Variants in BCAS3 observed in about 807,000 individuals in gnomAD.
BCAS3 encodes the protein BCAS3 microtubule associated cell migration factor.
BCAS3 carries 53 observed loss-of-function variants against 116.1 expected under a neutral mutation model. That is an observed-to-expected ratio of 0.46 (90% CI 0.37 to 0.57). BCAS3 has a LOEUF of 0.57. Among genes scored for constraint, BCAS3 ranks in the 20% least tolerant of loss-of-function variants. BCAS3 has a pLI of 0.00. For missense variants in BCAS3, 917 were observed against 1,165.4 expected (o/e 0.79, Z 3.10); for synonymous variants, 391 against 408.2 (o/e 0.96, Z 0.51).
intron 6 of BCAS3, among the ~76,000 whole-genome samples, chr17:60,788,886 T>C (rs2046514745): frequency 6.6e-6 from 1 of 152,126 alleles, no homozygotes; most frequent in Non-Finnish European, 1.5e-5. Flanking sequence ...GTATTGGCAA[T>C]AGAATAAAAC....
chr17:60,680,298 T>C (rs577284431), intron 2 of BCAS3, among the ~76,000 whole-genome samples: 1 of 152,298 alleles, frequency 6.6e-6, no homozygotes, highest in Admixed American at 6.5e-5. Context: ...AACTTTTAAG[T>C]TCAAGGGTAC....
intron 6 of BCAS3, among the ~76,000 whole-genome samples, chr17:60,772,879 A>C (rs1294404630): frequency 6.6e-6 from 1 of 152,168 alleles, no homozygotes; most frequent in African/African-American, 2.4e-5. Flanking sequence ...TCTCAGAAAA[A>C]AAAAGGGGGG....
At chr17:60,927,592 T>A (rs1351346373) in intron 13 of BCAS3, among the ~76,000 whole-genome samples, 1 of 152,186 alleles carries the variant, frequency 6.6e-6, no homozygotes, top group Non-Finnish European at 1.5e-5. Flanking sequence ...GATGAGATTC[T>A]ACTAAAGTTC....
rs1008832924 is a variant in BCAS3 at position 60,911,561 on chromosome 17, G to T, written c.993+859G>T. Among the ~76,000 whole-genome samples the T allele has an allele frequency of 9.9e-5, 15 of 152,150 alleles. No homozygotes were observed. In the East Asian group the frequency reaches 2.9e-3, roughly 29 times the overall value. On this transcript the variant is annotated intron_variant, in intron 12 of 23. Transcript: ENST00000407086. ...GATCTGTCCGCCTTGGCCTCCCAAA[G>T]TGCTGGGATTACAGGCATGAGCCAC...
In BCAS3 at chr17:61,041,011, G is replaced by T; in HGVS notation, c.2029+119G>T. Reference sequence around the variant, plus strand: ...ATAGGCCATGGGCCTTAAAGAATCAGTTTGAGGCAAATAAGATATTTAATA... The same window carrying T: ...ATAGGCCATGGGCCTTAAAGAATCATTTTGAGGCAAATAAGATATTTAATA... On this transcript the variant is annotated intron_variant, in intron 19 of 23. Coordinates refer to ENST00000407086, the MANE Select transcript of BCAS3 (RefSeq NM_017679.5). The surrounding 1 kb of genome is among the most constrained non-coding windows in gnomAD (Gnocchi z 4.7). The T allele has an allele frequency of 1.3e-6, 1 of 756,182 alleles. No homozygotes were observed. The highest frequency in any genetic ancestry group is 2.2e-6 in the Non-Finnish European group (1 of 456,574). The allele number at this position is 756,182 out of a possible 1,614,324, so 46.8% of individuals were successfully genotyped here. A position where few individuals can be genotyped will look rare whatever the true frequency, so the allele number is the denominator to read the frequency against.
rs544854368 is a variant in BCAS3 at position 61,104,660 on chromosome 17, C to T, written c.2425+20096C>T. Among the ~76,000 whole-genome samples, 320 of 152,268 alleles carry T rather than the reference C, an allele frequency of 2.1e-3. 1 individual carries two copies. Among genetic ancestry groups the T allele is most frequent in the African/African-American group, 7.5e-3 (311 of 41,550 alleles). ...ATGTCACCCTGTGAAAGATCCTCTGCGTTACCCCATCAATTCTGCTTCATT... is the reference window on the plus strand; with the variant it reads ...ATGTCACCCTGTGAAAGATCCTCTGTGTTACCCCATCAATTCTGCTTCATT... On this transcript the variant is annotated intron_variant, in intron 22 of 23. Coordinates refer to ENST00000407086, the MANE Select transcript of BCAS3 (RefSeq NM_017679.5). This position sits in a 1 kb window ranked among gnomAD's most constrained non-coding sequence, Gnocchi z 4.1.
At chr17:60,851,060 G>C (rs1337399115) in intron 7 of BCAS3, among the ~76,000 whole-genome samples, 1 of 152,056 alleles carries the variant, frequency 6.6e-6, no homozygotes, top group South Asian at 2.1e-4. Context: ...CACCGAAAGC[G>C]CAATCATAAA....
At chr17:60,991,391 A>AT (rs2063516034) in intron 15 of BCAS3, among the ~76,000 whole-genome samples, 1 of 152,192 alleles carries the variant, frequency 6.6e-6, no homozygotes, top group Non-Finnish European at 1.5e-5. Context: ...GATAATATGT[A>AT]TACTAATTTT....
At position 61,352,894 on chromosome 17, in the gene BCAS3, G is replaced by A. The variant is rs975081250; in HGVS notation, c.2426-15433G>A. Among the ~76,000 whole-genome samples, 1 of 152,224 alleles carries A rather than the reference G, an allele frequency of 6.6e-6. No individual in the cohort carries two copies. The highest frequency in any genetic ancestry group is 2.4e-5 in the African/African-American group (1 of 41,462). On this transcript the variant is annotated intron_variant, in intron 22 of 23. Transcript: ENST00000407086. This position sits in a 1 kb window ranked among gnomAD's most constrained non-coding sequence, Gnocchi z 4.7. ...TGCTCGGCTCCTAGGCTGCTAGCGG[G>A]AGGTATGAATTTCTCTTGTTTGCTT...
At chr17:61,311,144 A>G (rs1292498902) in intron 22 of BCAS3, among the ~76,000 whole-genome samples, 1 of 152,220 alleles carries the variant, frequency 6.6e-6, no homozygotes, top group Non-Finnish European at 1.5e-5. Context: ...AATGCTATGT[A>G]GATGTTACTT....
At chr17:61,111,000 T>C (rs1198414196) in intron 22 of BCAS3, among the ~76,000 whole-genome samples, 2 of 150,772 alleles carry the variant, frequency 1.3e-5, no homozygotes, top group South Asian at 2.1e-4. Flanking sequence ...CAGCAGGGTA[T>C]TCCAACAGAC....
rs550878923 is a variant in BCAS3 at position 61,219,683 on chromosome 17, G to A, written c.2425+135119G>A. Among the ~76,000 whole-genome samples, 17 of 152,216 alleles carry A rather than the reference G, an allele frequency of 1.1e-4. No homozygotes were observed. Among genetic ancestry groups the A allele is most frequent in the African/African-American group, 3.4e-4 (14 of 41,540 alleles). ...CCTTGGAGGGTTGCAAATAGCTGCC[G>A]TGAGAAACCCTCTCTGCTGCTCTGG... On this transcript the variant is annotated intron_variant, in intron 22 of 23. Transcript: ENST00000407086. The surrounding 1 kb of genome is among the most constrained non-coding windows in gnomAD (Gnocchi z 5.2).
At position 61,203,995 on chromosome 17, in the gene BCAS3, G is replaced by A. The variant is rs2080985461; in HGVS notation, c.2425+119431G>A. On this transcript the variant is annotated intron_variant, in intron 22 of 23. Coordinates refer to ENST00000407086, the MANE Select transcript of BCAS3 (RefSeq NM_017679.5). This position sits in a 1 kb window ranked among gnomAD's most constrained non-coding sequence, Gnocchi z 5.7. Reference sequence around the variant, plus strand: ...CCCTTCTTTCACAGCTGGGGTTTTGGCAGCCTGTCCTCGGGTTGTTCAGCC... The same window carrying A: ...CCCTTCTTTCACAGCTGGGGTTTTGACAGCCTGTCCTCGGGTTGTTCAGCC... 6.6e-6 allele frequency among the ~76,000 whole-genome samples: 1 copy of A among 152,184 alleles called. No homozygotes were observed. The highest frequency in any genetic ancestry group is 2.4e-5 in the African/African-American group (1 of 41,444).
At chr17:60,936,491 C>G (rs1359956082) in intron 13 of BCAS3, among the ~76,000 whole-genome samples, 9 of 152,036 alleles carry the variant, frequency 5.9e-5, no homozygotes, top group Non-Finnish European at 1.2e-4. Flanking sequence ...TAAAAGTGTT[C>G]CTATTTCTCC....
At chr17:61,025,088 G>A (rs927583875) in intron 16 of BCAS3, among the ~76,000 whole-genome samples, 7 of 152,064 alleles carry the variant, frequency 4.6e-5, no homozygotes, top group African/African-American at 1.4e-4. Flanking sequence ...GGTATTTGTA[G>A]GCATATAGAA....
chr17:60,898,449 AT>A (rs989898308), intron 10 of BCAS3, among the ~76,000 whole-genome samples: 4 of 149,318 alleles, frequency 2.7e-5, no homozygotes, highest in East Asian at 3.9e-4. Flanking sequence ...ATGTAGTCTG[AT>A]TTTTTTTTTC....
intron 7 of BCAS3, among the ~76,000 whole-genome samples, chr17:60,837,839 G>A (rs1414157234): frequency 6.6e-6 from 1 of 151,706 alleles, no homozygotes; most frequent in Admixed American, 6.6e-5. Flanking sequence ...TTTAGTAGAG[G>A]AGGGGTTTCA....
At chr17:60,851,045 T>C (rs1353173058) in intron 7 of BCAS3, among the ~76,000 whole-genome samples, 1 of 152,130 alleles carries the variant, frequency 6.6e-6, no homozygotes, top group Non-Finnish European at 1.5e-5. Flanking sequence ...ACCTCTTAAG[T>C]ACAACACCGA....
Position 61,313,590 on chromosome 17 carries a change from G to A in BCAS3, c.2426-54737G>A, listed in dbSNP as rs1369815888. ...ACAATGTAGGGGATTTATTTCCAAG[G>A]CTGGAGGACAGAGCTTGGACTCGGG... is the stretch of plus-strand genomic sequence containing the variant. On this transcript the variant is annotated intron_variant, in intron 22 of 23. Coordinates refer to ENST00000407086, the MANE Select transcript of BCAS3 (RefSeq NM_017679.5). The surrounding 1 kb of genome is among the most constrained non-coding windows in gnomAD (Gnocchi z 4.3). 6.6e-6 allele frequency among the ~76,000 whole-genome samples: 1 copy of A among 152,184 alleles called. No individual in the cohort carries two copies. Among genetic ancestry groups the A allele is most frequent in the Non-Finnish European group, 1.5e-5 (1 of 68,040 alleles).
Sources: gnomAD v4.1 joint callset for allele counts (sites outside exome capture counted in the v4.1 genomes callset) on GRCh38, gnomAD v4.1.1 for gene constraint, Gnocchi (gnomAD v3.1) non-coding constraint, MANE v1.5 for transcripts, NCBI Gene and HGNC (gene_info 2026-07-23, HGNC 2026-07-21) for gene names.